Variants in KLRG2 observed in about 807,000 individuals in gnomAD.
The protein encoded by KLRG2 is killer cell lectin-like receptor subfamily G member 2.
KLRG2 carries 39 observed loss-of-function variants against 35.4 expected under a neutral mutation model. The ratio of observed to expected loss-of-function variants is 1.10; its 90% CI spans 0.85 to 1.44. KLRG2 has a LOEUF of 1.44. Ranked by LOEUF, KLRG2 falls within the 40% of genes most tolerant of loss-of-function variation. The probability of loss-of-function intolerance (pLI) is 0.00; values close to 1 mark genes in which losing one functional copy is unlikely to be tolerated. For synonymous variants in KLRG2, 283 were observed against 265.8 expected (o/e 1.06, Z -0.63); for missense variants, 632 against 570.9 (o/e 1.11, Z -1.09).
At chr7:139,449,086 A>C (rs10230234), downstream of KLRG2, among the ~76,000 whole-genome samples, 12,300 of 149,788 alleles carry the variant, frequency 0.082, 958 homozygotes, top group African/African-American at 0.21. Context: ...AGCCTGGGTG[A>C]CAGAGGGACA....
the KLRG2 span, among the ~76,000 whole-genome samples, chr7:139,435,616 A>G: frequency 6.6e-6 from 1 of 151,962 alleles, no homozygotes; most frequent in East Asian, 1.9e-4. Flanking sequence ...CTCTCCTCAA[A>G]CCTCTGGCCC....
the KLRG2 span, among the ~76,000 whole-genome samples, chr7:139,437,374 A>G: frequency 6.7e-6 from 1 of 149,528 alleles, no homozygotes; most frequent in East Asian, 2.0e-4. Flanking sequence ...GCAGTAAGCC[A>G]AGATTACACT....
chr7:139,467,652 G>A (rs1411449318), intron 3 of KLRG2, among the ~76,000 whole-genome samples: 2 of 142,908 alleles, frequency 1.4e-5, no homozygotes, highest in Non-Finnish European at 3.1e-5. Flanking sequence ...CTCGTTAAGA[G>A]TCATCACCAC....
chr7:139,462,686 C>T (rs1028433615), intron 3 of KLRG2, among the ~76,000 whole-genome samples: 1 of 152,198 alleles, frequency 6.6e-6, no homozygotes, highest in Non-Finnish European at 1.5e-5. Flanking sequence ...TTCGATTTCT[C>T]CATCCTACAA....
chr7:139,445,830 TTTTA>T, the KLRG2 span, among the ~76,000 whole-genome samples: 5 of 145,202 alleles, frequency 3.4e-5, no homozygotes, highest in East Asian at 3.9e-4. Context: ...GCTCTTTAAG[TTTTA>T]TTTTTTATTT....
At chr7:139,477,454 T>C (rs1031115732) in intron 3 of KLRG2, among the ~76,000 whole-genome samples, 3 of 152,156 alleles carry the variant, frequency 2.0e-5, no homozygotes, top group Non-Finnish European at 4.4e-5. Flanking sequence ...GAGGACATGA[T>C]ACTAAGTGAA....
At chr7:139,454,240 C>T (rs1796421355) in intron 3 of KLRG2, 26 bp from the exon 4 acceptor site, 2 of 1,135,356 alleles carry the variant, frequency 1.8e-6, no homozygotes, top group South Asian at 1.3e-5. Context: ...AAGCTGGTCA[C>T]TCCCCTGGAC....
In KLRG2 at chr7:139,453,598, C is replaced by T. The variant is rs749679762; in HGVS notation, c.1219G>A (p.Gly407Arg). Residue 407 changes from glycine to arginine, a missense_variant, in exon 5 of 5, where the codon GGG becomes AGG. Coordinates refer to ENST00000340940, the MANE Select transcript of KLRG2 (RefSeq NM_198508.4). Reference sequence around the variant, plus strand: ...AGGCAGAGCCCAGATCACTGGGTCCCCTTGGCACAGACCCAGGGTCTTGGA... The same window carrying T: ...AGGCAGAGCCCAGATCACTGGGTCCTCTTGGCACAGACCCAGGGTCTTGGA... Reference protein sequence around the residue: ...STPRPWVCAKGTQ With the variant: ...STPRPWVCAKRTQ The T allele has an allele frequency of 2.5e-6, 4 of 1,602,774 alleles. No homozygotes were observed. In the South Asian group the frequency reaches 4.5e-5, roughly 18 times the overall value.
chr7:139,429,010 A>T, the KLRG2 span, among the ~76,000 whole-genome samples: 2 of 152,140 alleles, frequency 1.3e-5, no homozygotes, highest in Non-Finnish European at 2.9e-5. Context: ...GAACTCTTAG[A>T]TTTTCCATTT....
the KLRG2 span, among the ~76,000 whole-genome samples, chr7:139,436,352 A>C: frequency 6.7e-6 from 1 of 149,432 alleles, no homozygotes; most frequent in Non-Finnish European, 1.5e-5. Flanking sequence ...CCCCCTTCAC[A>C]CCTCTGCAGT....
intron 3 of KLRG2, among the ~76,000 whole-genome samples, chr7:139,465,691 C>CAAAAAAAAAAAAA (rs573464243): frequency 1.0e-5 from 1 of 95,256 alleles, no homozygotes; most frequent in Non-Finnish European, 2.2e-5. Flanking sequence ...GACTCTGTCT[C>CAAAAAAAAAAAAA]AAAAAAAAAA....
rs1269638536 is a variant in KLRG2, at chr7:139,465,703, A to AAG, written c.1006-11490_1006-11489insCT. On this transcript the variant is annotated intron_variant, in intron 3 of 4. Coordinates refer to ENST00000340940, the MANE Select transcript of KLRG2 (RefSeq NM_198508.4). ...TGAGACTCTGTCTCAAAAAAAAAAAAAAAGAAAGAAAGAAAGGAAGGAAGC... is the reference window on the plus strand; with the variant it reads ...TGAGACTCTGTCTCAAAAAAAAAAAAAGAAAGAAAGAAAGAAAGGAAGGAAGC... Among the ~76,000 whole-genome samples, 6 of 151,596 alleles carry AAG rather than the reference A, an allele frequency of 4.0e-5. 1 individual carries two copies. The highest frequency in any genetic ancestry group is 1.3e-4 in the Admixed American group (2 of 15,226).
chr7:139,446,773 C>T, the KLRG2 span, among the ~76,000 whole-genome samples: 4 of 152,098 alleles, frequency 2.6e-5, no homozygotes, highest in African/African-American at 4.8e-5. Context: ...CCTCCTCCTC[C>T]GACATCGGCT....
intron 3 of KLRG2, among the ~76,000 whole-genome samples, chr7:139,458,829 G>A (rs1312789704): frequency 6.6e-6 from 1 of 152,178 alleles, no homozygotes; most frequent in Non-Finnish European, 1.5e-5. Flanking sequence ...GAGCAAAACA[G>A]GCTTCTGGGA....
the KLRG2 span, among the ~76,000 whole-genome samples, chr7:139,443,042 T>G: frequency 5.9e-5 from 9 of 151,690 alleles, no homozygotes; most frequent in Non-Finnish European, 1.3e-4. Context: ...CTATATACAT[T>G]TAGTTAATAT....
chr7:139,460,519 A>G (rs1011424041), intron 3 of KLRG2, among the ~76,000 whole-genome samples: 2 of 152,056 alleles, frequency 1.3e-5, no homozygotes, highest in African/African-American at 4.8e-5. Flanking sequence ...CTGTACTAAA[A>G]GTCAAAAAAA....
chr7:139,478,740 T>G (rs183806191), intron 3 of KLRG2, among the ~76,000 whole-genome samples: 5 of 152,258 alleles, frequency 3.3e-5, no homozygotes, highest in Middle Eastern at 3.4e-3. Flanking sequence ...TTTTTGTAGA[T>G]GCTCTCAAAC....
At chr7:139,452,093 C>G (rs778393344), downstream of KLRG2, among the ~76,000 whole-genome samples, 1 of 151,914 alleles carries the variant, frequency 6.6e-6, no homozygotes, top group Admixed American at 6.6e-5. Flanking sequence ...CCCAGCCTCC[C>G]GAGTAGCTAG....
At chr7:139,482,798 C>T in intron 1 of KLRG2, 88 bp downstream of exon 1, 2 of 1,228,370 alleles carry the variant, frequency 1.6e-6, no homozygotes, top group Non-Finnish European at 2.1e-6. Context: ...GTCAGCTGCC[C>T]AGCGGTCCAG....
Sources: allele counts gnomAD v4.1 joint callset (sites outside exome capture counted in the v4.1 genomes callset), GRCh38; gene constraint gnomAD v4.1.1; transcripts MANE v1.5; gene names NCBI Gene and HGNC (gene_info 2026-07-23, HGNC 2026-07-21).